The following FGF13 variants were observed in gnomAD, a reference collection of about 807,000 sequenced individuals.
FGF13 encodes the protein fibroblast growth factor 13.
FGF13 carries 2 observed loss-of-function variants against 19.5 expected under a neutral mutation model. That is an observed-to-expected ratio of 0.10 (90% CI 0.04 to 0.32). FGF13 has a LOEUF of 0.32. FGF13 is among the 10% of genes least tolerant of loss of function. FGF13 has a pLI of 1.00. For synonymous variants in FGF13, 72 were observed against 76.9 expected, an observed-to-expected ratio of 0.94 and a Z score of 0.33; for missense variants, 113 against 192.7, an observed-to-expected ratio of 0.59 and a Z score of 2.45.
At chrX:138,687,390 AC>A (rs1272926849) in intron 3 of FGF13, among the ~76,000 whole-genome samples, 2 of 112,210 alleles carry the variant, frequency 1.8e-5, no homozygotes. Context: ...TCTTCAACAG[AC>A]ACATGAAAAA....
At chrX:138,702,554 T>C (rs2089957532) in intron 3 of FGF13, among the ~76,000 whole-genome samples, 1 of 112,213 alleles carries the variant, frequency 8.9e-6, no homozygotes, top group Non-Finnish European at 1.9e-5. Context: ...GAAATAGAAC[T>C]CTAGAAACCC....
chrX:139,199,527 C>T (rs757765386), intron 1 of FGF13, among the ~76,000 whole-genome samples: 8 of 112,251 alleles, frequency 7.1e-5, no homozygotes, highest in South Asian at 3.7e-4. Context: ...AGACCTGGAA[C>T]GCTGTTTCAT....
chrX:139,104,680 G>C (rs1231800870), intron 1 of FGF13, among the ~76,000 whole-genome samples: 1 of 111,298 alleles, frequency 9.0e-6, no homozygotes, highest in African/African-American at 3.3e-5. Flanking sequence ...AACGTGATCA[G>C]ATTCTGGTGA....
At chrX:139,163,512 G>T (rs1183822206) in intron 1 of FGF13, among the ~76,000 whole-genome samples, 1 of 110,809 alleles carries the variant, frequency 9.0e-6, no homozygotes, top group Non-Finnish European at 1.9e-5. Context: ...TGCATGTTCT[G>T]CCCATGTATC....
chrX:138,978,940 T>C (rs769815120), intron 1 of FGF13, among the ~76,000 whole-genome samples: 18 of 112,309 alleles, frequency 1.6e-4, no homozygotes, highest in Non-Finnish European at 2.4e-4. Context: ...AAAAAAATGA[T>C]AAGCATCAAG....
chrX:138,782,165 A>C (rs1014389532), intron 3 of FGF13, among the ~76,000 whole-genome samples: 3 of 112,331 alleles, frequency 2.7e-5, no homozygotes, highest in Admixed American at 9.4e-5. Context: ...ATTTGAAAAT[A>C]ATAAGAGCTA....
At chrX:139,032,440 C>T (rs2092230852) in intron 1 of FGF13, among the ~76,000 whole-genome samples, 1 of 111,535 alleles carries the variant, frequency 9.0e-6, no homozygotes, top group African/African-American at 3.3e-5. Context: ...AGGATGGTCA[C>T]TGAGAACCCA....
In FGF13 at chrX:138,625,487, A is replaced by ATATATATATACATATATATATATAATAT. The variant is rs1306399492; in HGVS notation, c.*7335_*7362dup. 7 of 91,982 alleles carry ATATATATATACATATATATATATAATAT rather than the reference A, an allele frequency of 7.6e-5. No homozygotes were observed. Among genetic ancestry groups the ATATATATATACATATATATATATAATAT allele is most frequent in the Middle Eastern group, 5.2e-3 (1 of 191 alleles). 7.6% of individuals were successfully genotyped at this position (91,982 alleles called of 1,213,427 possible). ...ATATATATACATATATATATATAAT[A>ATATATATATACATATATATATATAATAT]TATATATATACATATATATATATAA... On this transcript the variant is annotated 3_prime_UTR_variant, in exon 5 of 5. Transcript: ENST00000315930.
chrX:138,959,581 A>G (rs149365926), intron 1 of FGF13, among the ~76,000 whole-genome samples: 2,415 of 110,677 alleles, frequency 0.022, 73 homozygotes, highest in African/African-American at 0.075. Context: ...ATTCTTGTTA[A>G]TCTTCTGTCT....
At chrX:138,735,078 T>C (rs2090262883) in intron 1 of FGF13, among the ~76,000 whole-genome samples, 1 of 112,100 alleles carries the variant, frequency 8.9e-6, no homozygotes, top group South Asian at 3.7e-4. Flanking sequence ...AGTTTTGATA[T>C]AAGGAAGGGA....
At chrX:138,685,700 G>A (rs1167178910) in intron 3 of FGF13, among the ~76,000 whole-genome samples, 1 of 111,428 alleles carries the variant, frequency 9.0e-6, no homozygotes, top group African/African-American at 3.3e-5. Flanking sequence ...ATTACACTGA[G>A]CTGTCTCTAT....
intron 3 of FGF13, among the ~76,000 whole-genome samples, chrX:138,823,294 TAGG>T (rs774414451): frequency 1.4e-4 from 16 of 111,037 alleles, no homozygotes; most frequent in Admixed American, 9.5e-4. Context: ...GCCTGCGCAC[TAGG>T]AGGAGTGCAT....
chrX:138,781,278 C>G lies in FGF13; in HGVS notation c.218-72350G>C, dbSNP rs1327357124. Among the ~76,000 whole-genome samples, 3 of 108,587 alleles carry G rather than the reference C, an allele frequency of 2.8e-5. No homozygotes were observed. The Admixed American group carries it at 3.0e-4, about 11-fold the overall frequency. The allele number at this position is 108,587 out of a possible 115,157, so 94.3% of individuals were successfully genotyped here. A position where few individuals can be genotyped will look rare whatever the true frequency, so the allele number is the denominator to read the frequency against. On this transcript the variant is annotated intron_variant, in intron 3 of 6. Coordinates refer to the FGF13 transcript ENST00000436198. ...AGAACTAGAAAAGCAAGAGCAAACACATTCAAAAGCTAGCAGAAGGCAAGA... is the reference window on the plus strand; with the variant it reads ...AGAACTAGAAAAGCAAGAGCAAACAGATTCAAAAGCTAGCAGAAGGCAAGA...
At chrX:138,713,571 A>G (rs1353598667), upstream of FGF13, among the ~76,000 whole-genome samples, 1 of 111,682 alleles carries the variant, frequency 9.0e-6, no homozygotes, top group Non-Finnish European at 1.9e-5. Flanking sequence ...AAAGCTAAAG[A>G]AGGATGAAGT....
At chrX:138,992,708 A>C (rs1033961787) in intron 1 of FGF13, among the ~76,000 whole-genome samples, 2 of 112,137 alleles carry the variant, frequency 1.8e-5, no homozygotes, top group Non-Finnish European at 3.8e-5. Context: ...AATGATATAG[A>C]TAGAACATTG....
intron 3 of FGF13, among the ~76,000 whole-genome samples, chrX:138,772,236 C>T (rs186177704): frequency 2.0e-3 from 219 of 108,115 alleles, no homozygotes; most frequent in African/African-American, 6.6e-3. Context: ...GTAAACATGC[C>T]TAAACATTAG....
At position 138,877,293 on chromosome X, in the gene FGF13, T is replaced by C. The variant is rs533345028; in HGVS notation, c.-112-12643A>G. On this transcript the variant is annotated intron_variant, in intron 1 of 2. Transcript: ENST00000421460. The stretch of plus-strand genomic sequence containing the variant: ...AAGCCTCCTTTTAATGAACATTTCA[T>C]TTTTATTCATAGAAGGGACACATTT... Among the ~76,000 whole-genome samples, 24 of 112,011 alleles carry C rather than the reference T, an allele frequency of 2.1e-4. No homozygotes were observed. In the South Asian group the frequency reaches 3.4e-3, roughly 16 times the overall value.
At chrX:139,159,200 G>A (rs971187455) in intron 1 of FGF13, among the ~76,000 whole-genome samples, 3 of 111,800 alleles carry the variant, frequency 2.7e-5, no homozygotes, top group African/African-American at 6.5e-5. Context: ...AAGAATTTTC[G>A]ACCCAGAATT....
chrX:139,072,695 GTTTA>G (rs2092380798), intron 1 of FGF13, among the ~76,000 whole-genome samples: 1 of 111,391 alleles, frequency 9.0e-6, no homozygotes, highest in South Asian at 3.8e-4. Context: ...ATATGTCTAG[GTTTA>G]TTTGTTTTTG....
Sources: gnomAD v4.1 joint callset for allele counts (sites outside exome capture counted in the v4.1 genomes callset) on GRCh38, gnomAD v4.1.1 for gene constraint, MANE v1.5 for transcripts, NCBI Gene and HGNC (gene_info 2026-07-23, HGNC 2026-07-21) for gene names.